STK32C: variants seen among roughly 807,000 people sequenced by gnomAD.
The protein encoded by STK32C is serine/threonine kinase 32C, also known as serine/threonine-protein kinase 32C.
STK32C carries 31 observed loss-of-function variants against 56.5 expected under a neutral mutation model. That is an observed-to-expected ratio of 0.55 (90% CI 0.41 to 0.74). STK32C has a LOEUF of 0.74. Ranked by LOEUF, STK32C falls within the 30% of genes least tolerant of loss-of-function variation. STK32C has a pLI of 0.00. For synonymous variants in STK32C, 309 were observed against 289.4 expected (o/e 1.07, Z -0.69); for missense variants, 544 against 676.9 (o/e 0.80, Z 2.18).
intron 2 of STK32C, among the ~76,000 whole-genome samples, chr10:132,241,003 G>A (rs967460636): frequency 3.3e-5 from 5 of 152,228 alleles, no homozygotes; most frequent in Non-Finnish European, 7.3e-5. Flanking sequence ...CAGCATTCTG[G>A]CCGAGTGGAA....
At chr10:132,286,735 AGAG>A (rs1196000804) in intron 1 of STK32C, among the ~76,000 whole-genome samples, 1 of 152,230 alleles carries the variant, frequency 6.6e-6, no homozygotes, top group Non-Finnish European at 1.5e-5. Flanking sequence ...CAGCAAACTA[AGAG>A]GAGAAGGAGA....
chr10:132,221,522 TATC>T (rs1236707268), intron 10 of STK32C, among the ~76,000 whole-genome samples: 2 of 115,638 alleles, frequency 1.7e-5, no homozygotes, highest in Admixed American at 9.2e-5. Context: ...ACACAACTAA[TATC>T]AACGCACCTG....
At chr10:132,279,585 C>CA (rs2065091786) in intron 1 of STK32C, among the ~76,000 whole-genome samples, 1 of 151,962 alleles carries the variant, frequency 6.6e-6, no homozygotes, top group African/African-American at 2.4e-5. Flanking sequence ...TGATCATGCC[C>CA]ACCCGCACTC....
At chr10:132,270,455 G>A (rs74161757) in intron 1 of STK32C, among the ~76,000 whole-genome samples, 7,498 of 152,312 alleles carry the variant, frequency 0.049, 221 homozygotes, top group Middle Eastern at 0.078. Flanking sequence ...TGGAATTGGC[G>A]AGAGCAAACC....
At chr10:132,210,737 C>T (rs149892744) in intron 10 of STK32C, among the ~76,000 whole-genome samples, 1 of 152,364 alleles carries the variant, frequency 6.6e-6, no homozygotes, top group East Asian at 1.9e-4. Flanking sequence ...CCTCTTCCCA[C>T]GAGGAAGGAA....
rs2062806251 is a variant in STK32C at position 132,224,519 on chromosome 10, G to A, written c.881C>T (p.Pro294Leu). ...MAYELLRGWR[P>L]YDIHSSNAVE... is the part of the protein sequence containing the mutation. ...GGCGTTGCTGGAGTGGATGTCATAG[G>A]GCCTCTGGAGACAGGGAGGCAGTGC... The change falls in exon 8 of 12, where the codon CCC becomes CTC. Residue 294 changes from proline to leucine, a missense_variant. Pro to Leu is a moderately conservative substitution (Grantham distance 98, BLOSUM62 -3). Coordinates refer to ENST00000298630, the MANE Select transcript of STK32C (RefSeq NM_173575.4). 2.5e-6 allele frequency: 4 copies of A among 1,591,766 alleles called. No individual in the cohort carries two copies. The highest frequency in any genetic ancestry group is 3.5e-5 in the Admixed American group (2 of 56,930).
chr10:132,263,278 T>A (rs954634470), intron 1 of STK32C, among the ~76,000 whole-genome samples: 1 of 152,140 alleles, frequency 6.6e-6, no homozygotes, highest in Non-Finnish European at 1.5e-5. Flanking sequence ...AGCAAGATTA[T>A]GGCCTCTGTG....
At chr10:132,331,894 ACCCCCGCGCAGGCGCACCACAAC>A (rs1564813191), upstream of STK32C, 11 of 887,294 alleles carry the variant, frequency 1.2e-5, no homozygotes, top group Admixed American at 6.7e-5. Flanking sequence ...ACCCCCTGCC[ACCCCCGCGCAGGCGCACCACAAC>A]CCCCCCACCG....
At chr10:132,243,003 G>A (rs968071749) in intron 2 of STK32C, among the ~76,000 whole-genome samples, 18 of 152,236 alleles carry the variant, frequency 1.2e-4, no homozygotes, top group African/African-American at 3.9e-4. Context: ...AGGCCAGAGG[G>A]GCCGGGGCTC....
chr10:132,309,257 G>C (rs2066174200), upstream of STK32C, among the ~76,000 whole-genome samples: 1 of 152,154 alleles, frequency 6.6e-6, no homozygotes, highest in Admixed American at 6.5e-5. Flanking sequence ...AGTCTGTGTG[G>C]CTTCTGGGCC....
chr10:132,236,571 CTA>C (rs1180670996), intron 2 of STK32C, among the ~76,000 whole-genome samples: 2 of 152,164 alleles, frequency 1.3e-5, no homozygotes, highest in Non-Finnish European at 2.9e-5. Flanking sequence ...GAGGGGGTGC[CTA>C]TGACATATTT....
chr10:132,236,740 G>A (rs368345327), intron 2 of STK32C, among the ~76,000 whole-genome samples: 5 of 152,204 alleles, frequency 3.3e-5, no homozygotes, highest in Non-Finnish European at 7.3e-5. Flanking sequence ...ACCTAACAGA[G>A]GCTTCCTTTC....
At chr10:132,227,293 T>C (rs2137722718) in intron 3 of STK32C, among the ~76,000 whole-genome samples, 1 of 152,294 alleles carries the variant, frequency 6.6e-6, no homozygotes, top group Admixed American at 6.5e-5. Flanking sequence ...TTCGGTAAAA[T>C]GGGGATACAG....
intron 2 of STK32C, among the ~76,000 whole-genome samples, chr10:132,241,907 G>A (rs1248585733): frequency 2.0e-5 from 3 of 152,152 alleles, no homozygotes; most frequent in African/African-American, 7.2e-5. Context: ...ACGAGTTTGA[G>A]ACCAGCCTGG....
chr10:132,322,442 AAT>A (rs934438670), downstream of STK32C, among the ~76,000 whole-genome samples: 16 of 152,182 alleles, frequency 1.1e-4, no homozygotes, highest in African/African-American at 3.6e-4. Flanking sequence ...TGAATTTACC[AAT>A]ATTTATTTTT....
intron 2 of STK32C, among the ~76,000 whole-genome samples, chr10:132,239,586 T>A (rs2063428191): frequency 6.6e-6 from 1 of 152,092 alleles, no homozygotes; most frequent in South Asian, 2.1e-4. Flanking sequence ...AGTGGGCTGG[T>A]GAGGAAACCA....
At chr10:132,283,691 G>A (rs1486678476) in intron 1 of STK32C, among the ~76,000 whole-genome samples, 1 of 152,182 alleles carries the variant, frequency 6.6e-6, no homozygotes, top group African/African-American at 2.4e-5. Flanking sequence ...GAGGCCGCGG[G>A]CTGTCATGGA....
chr10:132,214,827 C>A (rs2062420140), intron 10 of STK32C, among the ~76,000 whole-genome samples: 1 of 152,156 alleles, frequency 6.6e-6, no homozygotes, highest in Non-Finnish European at 1.5e-5. Context: ...TAAAGGTATA[C>A]TGCAATGTCC....
chr10:132,237,076 G>A (rs1317202969), intron 2 of STK32C, among the ~76,000 whole-genome samples: 8 of 152,232 alleles, frequency 5.3e-5, no homozygotes, highest in Non-Finnish European at 1.2e-4. Flanking sequence ...GGATCCCTTG[G>A]TCTCTGGCCA....
Sources: gnomAD v4.1 joint callset for allele counts (sites outside exome capture counted in the v4.1 genomes callset) on GRCh38, gnomAD v4.1.1 for gene constraint, MANE v1.5 for transcripts, NCBI Gene and HGNC (gene_info 2026-07-23, HGNC 2026-07-21) for gene names.